Variants in PCF11 observed in about 807,000 individuals in gnomAD.
The protein encoded by PCF11 is PCF11 cleavage and polyadenylation factor subunit.
Under a neutral mutation model 166.1 loss-of-function variants are expected in PCF11, and 19 were observed. The ratio of observed to expected loss-of-function variants is 0.11; its 90% CI spans 0.08 to 0.17. The LOEUF (loss-of-function observed/expected upper bound fraction) is 0.17. Ranked by LOEUF, PCF11 falls within the 10% of genes least tolerant of loss-of-function variation. The pLI is 1.00. For synonymous variants in PCF11, 663 were observed against 644.1 expected, an observed-to-expected ratio of 1.03 and a Z score of -0.44; for missense variants, 1,565 against 1,855.5, an observed-to-expected ratio of 0.84 and a Z score of 2.88.
At chr11:83,170,111 G>A (rs1860634642) in intron 8 of PCF11, 116 bp downstream of exon 8, 2 of 862,484 alleles carry the variant, frequency 2.3e-6, no homozygotes, top group African/African-American at 3.5e-5. Context: ...AGTTTTTAAT[G>A]TACTCTAAAG....
intron 1 of PCF11, among the ~76,000 whole-genome samples, chr11:83,159,802 AAACTT>A (rs564267016): frequency 2.6e-4 from 40 of 152,290 alleles, no homozygotes; most frequent in African/African-American, 4.1e-4. Flanking sequence ...CTGCGTTACT[AAACTT>A]AAAGGATTCA....
In PCF11 at chr11:83,168,418, T is replaced by G. The variant is rs189413019; in HGVS notation, c.2093-10T>G. The G allele has an allele frequency of 6.4e-7, 1 of 1,555,342 alleles. No homozygotes were observed. Among genetic ancestry groups the G allele is most frequent in the South Asian group, 1.2e-5 (1 of 82,972 alleles). ...ACTTTAGTGAAAATAATTTTTTTCC[T>G]TTTTAAAAGGTGTGCGAGAAGAGCA... is the stretch of plus-strand genomic sequence containing the variant. On this transcript the variant is annotated splice_polypyrimidine_tract_variant and intron_variant, in intron 7 of 15. Coordinates refer to ENST00000298281, the Ensembl canonical transcript of PCF11.
At position 83,183,017 on chromosome 11, in the gene PCF11, CT is replaced by C. The variant is rs747885747; in HGVS notation, c.4417-14del. 6.1e-5 allele frequency: 82 copies of C among 1,338,858 alleles called. 1 individual carries two copies. The South Asian group carries it at 8.7e-4, about 14-fold the overall frequency. The allele number at this position is 1,338,858 out of a possible 1,614,324, so 82.9% of individuals were successfully genotyped here. A position where few individuals can be genotyped will look rare whatever the true frequency, so the allele number is the denominator to read the frequency against. ...TTAGAAATGAATACGCACATATTTA[CT>C]TTTTTTCTTTTTGCTTCAGATTTAT... On this transcript the variant is annotated intron_variant, in intron 14 of 15. Transcript: ENST00000298281.
At chr11:83,185,915 TA>T (rs1565166351) in exon 16 of PCF11, 1 of 152,662 alleles carries the variant, frequency 6.6e-6, no homozygotes, top group Admixed American at 6.5e-5. Flanking sequence ...TGAGACAGGT[TA>T]GTCTTTTCTG....
At chr11:83,171,681 A>C (rs1473956082) in intron 8 of PCF11, 137 bp from the exon 9 acceptor site, 10 of 658,056 alleles carry the variant, frequency 1.5e-5, no homozygotes, top group Admixed American at 1.1e-4. Context: ...GAAGTGATGC[A>C]GCCAAGTTAT....
rs201703079 is a variant in PCF11 at position 83,166,275 on chromosome 11, A to G, written c.1378A>G (p.Ile460Val). The stretch of plus-strand genomic sequence containing the variant: ...TGGCATTGTACAAAAACAGGATACA[A>G]TAACAGAAGAGTCAGAAAAACAGGG... Residue 460 changes from isoleucine to valine, a missense_variant, in exon 5 of 16, where the codon ATA becomes GTA. Ile to Val is a conservative substitution (Grantham distance 29). Around this residue, in one of 12 missense-constraint regions of PCF11, gnomAD observed 468 missense variants for 483.4 expected, o/e 0.97. Transcript: ENST00000298281. 5.0e-5 allele frequency: 81 copies of G among 1,613,554 alleles called. No individual in the cohort carries two copies. The highest frequency in any genetic ancestry group is 3.7e-4 in the African/African-American group (28 of 75,062).
Position 83,164,200 on chromosome 11 carries a change from C to G in PCF11, c.508-7C>G, listed in dbSNP as rs1028494644. The G allele has an allele frequency of 1.9e-6, 3 of 1,588,586 alleles. No individual in the cohort carries two copies. The African/African-American group carries it at 4.1e-5, about 22-fold the overall frequency. ...GTTTTTCTTAAACAAATTGTCTTTT[C>G]TTATAGCCCGAGGAGCCTTCAACAC... On this transcript the variant is annotated splice_region_variant and splice_polypyrimidine_tract_variant and intron_variant, in intron 3 of 15. Transcript: ENST00000298281.
intron 11 of PCF11, 90 bp from the exon 12 acceptor site, chr11:83,180,917 AC>A: frequency 1.5e-6 from 1 of 660,992 alleles, no homozygotes; most frequent in Non-Finnish European, 2.5e-6. Flanking sequence ...CACCATTGTT[AC>A]AGTATGGAAA....
exon 1 of PCF11, chr11:83,157,455 C>T: frequency 6.2e-7 from 1 of 1,610,654 alleles, no homozygotes; most frequent in Non-Finnish European, 8.5e-7. Context: ...AGAGCAGACG[C>T]CGGCCGAGGC....
chr11:83,173,204 C>T (rs1055195060), intron 9 of PCF11, among the ~76,000 whole-genome samples: 5 of 152,168 alleles, frequency 3.3e-5, no homozygotes, highest in Admixed American at 2.6e-4. Flanking sequence ...CGCCTATAAT[C>T]CCAGCACTCT....
chr11:83,157,680 T>G, intron 1 of PCF11, 49 bp downstream of exon 1: 1 of 1,527,378 alleles, frequency 6.5e-7, no homozygotes, highest in Non-Finnish European at 9.1e-7. Flanking sequence ...CTCCCTGATT[T>G]TAGTGTCAGC....
At chr11:83,164,164 T>A (rs577961432) in intron 3 of PCF11, 43 bp from the exon 4 acceptor site, 40 of 1,431,118 alleles carry the variant, frequency 2.8e-5, no homozygotes, top group Non-Finnish European at 2.9e-6. Flanking sequence ...AGCTTCCGTT[T>A]TAGCTGATAC....
chr11:83,168,441 G>C, exon 8 of PCF11: 1 of 1,601,236 alleles, frequency 6.2e-7, no homozygotes, highest in East Asian at 2.2e-5. Context: ...TGCGAGAAGA[G>C]CAGAGATCTC....
At chr11:83,181,589 A>T (rs1200719385) in intron 12 of PCF11, among the ~76,000 whole-genome samples, 1 of 147,990 alleles carries the variant, frequency 6.8e-6, no homozygotes. Flanking sequence ...CCCAGGCTCT[A>T]GGACTGTTTT....
intron 11 of PCF11, 95 bp from the exon 12 acceptor site, chr11:83,180,913 T>C (rs1246628750): frequency 1.6e-6 from 1 of 643,170 alleles, no homozygotes; most frequent in East Asian, 2.8e-5. Flanking sequence ...GTTTCACCAT[T>C]GTTACAGTAT....
chr11:83,176,535 A>AG (rs1860886474), intron 9 of PCF11, among the ~76,000 whole-genome samples: 1 of 152,208 alleles, frequency 6.6e-6, no homozygotes, highest in South Asian at 2.1e-4. Flanking sequence ...TGTCCTTTGC[A>AG]GGGACATGGA....
intron 9 of PCF11, among the ~76,000 whole-genome samples, chr11:83,175,142 C>A (rs563657497): frequency 1.3e-5 from 2 of 151,822 alleles, no homozygotes; most frequent in Non-Finnish European, 1.5e-5. Context: ...ATATTGTTTT[C>A]TTTTTTTTGA....
chr11:83,159,163 C>G (rs1482713583), intron 1 of PCF11, among the ~76,000 whole-genome samples: 1 of 151,742 alleles, frequency 6.6e-6, no homozygotes, highest in Non-Finnish European at 1.5e-5. Context: ...TACAAGTTTT[C>G]GTTCACTTTT....
exon 8 of PCF11, chr11:83,169,442 C>G: frequency 1.9e-6 from 3 of 1,613,698 alleles, no homozygotes; most frequent in Non-Finnish European, 2.5e-6. Context: ...GGTTGTCATG[C>G]TTTAAGGTTT....
Sources: gnomAD v4.1 joint callset for allele counts (sites outside exome capture counted in the v4.1 genomes callset) on GRCh38, gnomAD v4.1.1 for gene constraint, gnomAD v4.1.1 regional missense constraint, MANE v1.5 for transcripts, NCBI Gene and HGNC (gene_info 2026-07-23, HGNC 2026-07-21) for gene names.